The following ZBTB16 variants were observed in gnomAD, a reference collection of about 807,000 sequenced individuals.
ZBTB16 encodes zinc finger and BTB domain-containing protein 16.
Under a neutral mutation model 56.8 loss-of-function variants are expected in ZBTB16, and 8 were observed. That is an observed-to-expected ratio of 0.14 (90% CI 0.08 to 0.25). The LOEUF (loss-of-function observed/expected upper bound fraction) is 0.25, where lower values mean the gene tolerates loss of function less well. Ranked by LOEUF, ZBTB16 falls within the 10% of genes least tolerant of loss-of-function variation. ZBTB16 has a pLI of 1.00. For synonymous variants in ZBTB16, 363 were observed against 368.5 expected, an observed-to-expected ratio of 0.98 and a Z score of 0.17; for missense variants, 625 against 903.0, an observed-to-expected ratio of 0.69 and a Z score of 3.95.
At chr11:114,152,293 A>G (rs1942297325) in intron 2 of ZBTB16, among the ~76,000 whole-genome samples, 1 of 152,150 alleles carries the variant, frequency 6.6e-6, no homozygotes, top group South Asian at 2.1e-4. Flanking sequence ...GAGTTTGCAG[A>G]CTCACAATAG....
chr11:114,145,497 A>T (rs1942075991), intron 2 of ZBTB16, among the ~76,000 whole-genome samples: 1 of 152,222 alleles, frequency 6.6e-6, no homozygotes. Flanking sequence ...CTATGATAGG[A>T]ATGAAGCTTG....
intron 4 of ZBTB16, among the ~76,000 whole-genome samples, chr11:114,190,352 T>C (rs1046385274): frequency 6.6e-6 from 1 of 152,180 alleles, no homozygotes; most frequent in Non-Finnish European, 1.5e-5. Flanking sequence ...TTAATCCAAC[T>C]AACCTACTGA....
At chr11:114,242,144 A>G (rs1944719300) in intron 4 of ZBTB16, 23 bp from the exon 5 acceptor site, 2 of 1,612,988 alleles carry the variant, frequency 1.2e-6, no homozygotes, top group Non-Finnish European at 1.7e-6. Flanking sequence ...TTTCTGAGGC[A>G]CCCCCTCTCC....
At chr11:114,157,393 A>G (rs901805466) in intron 3 of ZBTB16, among the ~76,000 whole-genome samples, 9 of 152,220 alleles carry the variant, frequency 5.9e-5, no homozygotes, top group Admixed American at 5.9e-4. Flanking sequence ...GTTAACTTAC[A>G]TAATTTTTTG....
chr11:114,115,879 G>A lies in ZBTB16; in HGVS notation c.1269-40458G>A, dbSNP rs574938168. 2.6e-5 allele frequency among the ~76,000 whole-genome samples: 4 copies of A among 152,278 alleles called. No individual in the cohort carries two copies. In the South Asian group the frequency reaches 8.3e-4, roughly 32 times the overall value. ...CTCCATACTGGCTCCCAGCGAGCAT[G>A]CGTTCATGTGCTAACTTTAGGGGAC... On this transcript the variant is annotated intron_variant, in intron 2 of 6. Transcript: ENST00000335953.
intron 3 of ZBTB16, among the ~76,000 whole-genome samples, chr11:114,177,224 C>T (rs1045052196): frequency 1.3e-5 from 2 of 152,156 alleles, no homozygotes; most frequent in African/African-American, 4.8e-5. Context: ...AGTGAGGCTG[C>T]GAAGTTGATG....
chr11:114,096,999 A>C (rs952859856), intron 2 of ZBTB16, among the ~76,000 whole-genome samples: 3 of 152,230 alleles, frequency 2.0e-5, no homozygotes, highest in African/African-American at 4.8e-5. Context: ...TTGCACACCC[A>C]TGTTCATAGC....
In ZBTB16 at chr11:114,204,125, A is replaced by G. The variant is rs553880647; in HGVS notation, c.1453+17087A>G. Among the ~76,000 whole-genome samples the G allele has an allele frequency of 1.2e-4, 18 of 152,246 alleles. No homozygotes were observed. The South Asian group carries it at 3.7e-3, about 32-fold the overall frequency. On this transcript the variant is annotated intron_variant, in intron 4 of 6. Coordinates refer to ENST00000335953, the MANE Select transcript of ZBTB16 (RefSeq NM_006006.6). The stretch of plus-strand genomic sequence containing the variant: ...GGAAATTAGAAAATACTTACAAACA[A>G]AAGAAATATGTTCTCTGTGTCCCAC...
In ZBTB16 at chr11:114,156,412, A is replaced by G. The variant is rs1398313057; in HGVS notation, c.1344A>G (p.Arg448=). Residue 448 remains arginine (R), a synonymous_variant, in exon 3 of 7, where the codon AGA becomes AGG. Coordinates refer to ENST00000335953, the MANE Select transcript of ZBTB16 (RefSeq NM_006006.6). ...GKRFLDSLRL[R]MHLLAHSAGA... is the part of the protein sequence containing the mutation. ...GGTTCCTGGATAGTTTGCGGCTGAGAATGCACTTACTGGCTCATTCAGGTA... is the reference window on the plus strand; with the variant it reads ...GGTTCCTGGATAGTTTGCGGCTGAGGATGCACTTACTGGCTCATTCAGGTA... 1 of 1,614,110 alleles carries G rather than the reference A, an allele frequency of 6.2e-7. No homozygotes were observed. The highest frequency in any genetic ancestry group is 8.5e-7 in the Non-Finnish European group (1 of 1,180,050).
intron 3 of ZBTB16, among the ~76,000 whole-genome samples, chr11:114,159,029 A>G (rs1056477033): frequency 6.6e-6 from 1 of 152,234 alleles, no homozygotes; most frequent in Non-Finnish European, 1.5e-5. Flanking sequence ...TGAGTTAGCC[A>G]GTGTCTCTGC....
chr11:114,186,967 T>C lies in ZBTB16; in HGVS notation c.1382T>C (p.Phe461Ser), dbSNP rs1171983037. The change falls in exon 4 of 7, where the codon TTT becomes TCT. Residue 461 changes from phenylalanine to serine, a missense_variant. This residue lies in a region of ZBTB16 where 140 missense variants were observed against 214.8 expected (regional missense o/e 0.65). Coordinates refer to ENST00000335953, the MANE Select transcript of ZBTB16 (RefSeq NM_006006.6). The stretch of plus-strand genomic sequence containing the variant: ...TTTCTTTCAGCGGGTGCCAAAGCCT[T>C]TGTCTGTGATCAGTGCGGTGCACAG... ...LLAHSAGAKA[F>S]VCDQCGAQFS... 6.2e-7 allele frequency: 1 copy of C among 1,614,026 alleles called. No individual in the cohort carries two copies. The highest frequency in any genetic ancestry group is 1.1e-5 in the South Asian group (1 of 91,062).
chr11:114,079,334 T>C (rs1055507466), intron 2 of ZBTB16, among the ~76,000 whole-genome samples: 3 of 152,194 alleles, frequency 2.0e-5, no homozygotes, highest in Non-Finnish European at 4.4e-5. Context: ...AGCCCTGTTA[T>C]GGCCCGGGGA....
intron 2 of ZBTB16, among the ~76,000 whole-genome samples, chr11:114,137,057 T>C (rs1267028246): frequency 1.2e-4 from 18 of 152,320 alleles, no homozygotes; most frequent in Admixed American, 1.0e-3. Context: ...CCTGTATGCA[T>C]AGAGGGCCCA....
chr11:114,198,259 G>A (rs948177158), intron 4 of ZBTB16, among the ~76,000 whole-genome samples: 2 of 152,234 alleles, frequency 1.3e-5, no homozygotes, highest in African/African-American at 2.4e-5. Context: ...AAGAACGGCC[G>A]CGGAACGTCA....
chr11:114,152,767 A>G (rs1237439925), intron 2 of ZBTB16, among the ~76,000 whole-genome samples: 4 of 152,220 alleles, frequency 2.6e-5, no homozygotes, highest in African/African-American at 9.6e-5. Flanking sequence ...CAACTAAGGC[A>G]GTGTGCAGAA....
chr11:114,087,515 T>C (rs909431725), intron 2 of ZBTB16, among the ~76,000 whole-genome samples: 2 of 152,198 alleles, frequency 1.3e-5, no homozygotes, highest in Non-Finnish European at 2.9e-5. Context: ...AACTGCAGAC[T>C]TTGGCATCAT....
chr11:114,244,264 A>G (rs1440556654), intron 5 of ZBTB16, among the ~76,000 whole-genome samples: 1 of 151,580 alleles, frequency 6.6e-6, no homozygotes, highest in Non-Finnish European at 1.5e-5. Context: ...GAGGGGCTGG[A>G]AGGGAGGGGC....
At position 114,156,387 on chromosome 11, in the gene ZBTB16, G is replaced by T. The variant is rs797011179; in HGVS notation, c.1319G>T (p.Arg440Leu). 6.2e-7 allele frequency: 1 copy of T among 1,614,194 alleles called. No homozygotes were observed. Among genetic ancestry groups the T allele is most frequent in the East Asian group, 2.2e-5 (1 of 44,880 alleles). Reference sequence around the variant, plus strand: ...TACGGGTGCGAGCTCTGCGGGAAGCGGTTCCTGGATAGTTTGCGGCTGAGA... The same window carrying T: ...TACGGGTGCGAGCTCTGCGGGAAGCTGTTCCTGGATAGTTTGCGGCTGAGA... ...KTYGCELCGK[R>L]FLDSLRLRMH... is the part of the protein sequence containing the mutation. The change falls in exon 3 of 7, where the codon CGG (arginine) becomes CTG (leucine). Residue 440 changes from arginine to leucine, a missense_variant. This residue lies in a region of ZBTB16 where 140 missense variants were observed against 214.8 expected (regional missense o/e 0.65). Transcript: ENST00000335953.
chr11:114,170,158 T>C (rs1005509737), intron 3 of ZBTB16, among the ~76,000 whole-genome samples: 2 of 152,194 alleles, frequency 1.3e-5, no homozygotes, highest in African/African-American at 4.8e-5. Flanking sequence ...AGGCTTAAAA[T>C]TGGATGCGGA....
Sources: gnomAD v4.1 joint callset for allele counts (sites outside exome capture counted in the v4.1 genomes callset) on GRCh38, gnomAD v4.1.1 for gene constraint, gnomAD v4.1.1 regional missense constraint, MANE v1.5 for transcripts, NCBI Gene and HGNC (gene_info 2026-07-23, HGNC 2026-07-21) for gene names.